Variants in ZMAT4 observed in about 807,000 individuals in gnomAD.
The protein encoded by ZMAT4 is zinc finger matrin-type 4, also known as zinc finger matrin-type protein 4.
A neutral mutation model predicts 28.7 loss-of-function variants in ZMAT4; 17 were observed. That is an observed-to-expected ratio of 0.59 (90% CI 0.41 to 0.89). The LOEUF is 0.89. Ranked by LOEUF, ZMAT4 falls within the 40% of genes least tolerant of loss-of-function variation. ZMAT4 has a pLI of 0.00. For synonymous variants in ZMAT4, 117 were observed against 109.2 expected (o/e 1.07, Z -0.44); for missense variants, 240 against 283.8 (o/e 0.85, Z 1.11).
intron 1 of ZMAT4, among the ~76,000 whole-genome samples, chr8:40,872,366 A>G (rs1201368214): frequency 2.6e-5 from 4 of 152,190 alleles, no homozygotes; most frequent in African/African-American, 9.6e-5. Context: ...GACACAAGTC[A>G]TGTCACAGGA....
At chr8:40,626,429 C>A (rs534238215) in intron 5 of ZMAT4, among the ~76,000 whole-genome samples, 1 of 152,212 alleles carries the variant, frequency 6.6e-6, no homozygotes, top group East Asian at 1.9e-4. Flanking sequence ...GACTTTAGAC[C>A]TCATGCTTAA....
intron 5 of ZMAT4, among the ~76,000 whole-genome samples, chr8:40,583,024 G>A (rs1200911379): frequency 6.6e-6 from 1 of 152,192 alleles, no homozygotes; most frequent in Non-Finnish European, 1.5e-5. Flanking sequence ...ACGAAGAAGA[G>A]ACTGAAGAAG....
intron 3 of ZMAT4, among the ~76,000 whole-genome samples, chr8:40,756,584 A>G (rs1812705864): frequency 6.6e-6 from 1 of 150,830 alleles, no homozygotes; most frequent in African/African-American, 2.4e-5. Context: ...GGATATCTTT[A>G]CAATGAAATA....
intron 5 of ZMAT4, among the ~76,000 whole-genome samples, chr8:40,601,598 GAA>G (rs1306298904): frequency 1.7e-4 from 2 of 11,836 alleles, no homozygotes; most frequent in South Asian, 6.5e-3. Flanking sequence ...AAGAAAGAAA[GAA>G]AGAAAGAAAG....
chr8:40,585,045 C>T (rs754409795), intron 5 of ZMAT4, among the ~76,000 whole-genome samples: 9 of 152,090 alleles, frequency 5.9e-5, no homozygotes, highest in Admixed American at 1.3e-4. Context: ...TTCCTGGAGG[C>T]GTTCACATTA....
chr8:40,722,858 T>C (rs1454512502), intron 3 of ZMAT4, among the ~76,000 whole-genome samples: 1 of 152,118 alleles, frequency 6.6e-6, no homozygotes, highest in Non-Finnish European at 1.5e-5. Flanking sequence ...CCTGTGAGCG[T>C]CCACATGCAT....
intron 5 of ZMAT4, among the ~76,000 whole-genome samples, chr8:40,646,677 T>G (rs1315691908): frequency 2.6e-5 from 4 of 152,160 alleles, no homozygotes; most frequent in African/African-American, 9.6e-5. Context: ...TATATGTACC[T>G]AAGAATAGAG....
intron 3 of ZMAT4, among the ~76,000 whole-genome samples, chr8:40,697,676 A>G (rs965124100): frequency 2.6e-5 from 4 of 152,054 alleles, no homozygotes; most frequent in African/African-American, 7.2e-5. Flanking sequence ...TGTCATCTAC[A>G]TTAGGTATTT....
chr8:40,794,516 G>C (rs968645720), intron 2 of ZMAT4, among the ~76,000 whole-genome samples: 1 of 152,144 alleles, frequency 6.6e-6, no homozygotes, highest in Non-Finnish European at 1.5e-5. Context: ...GCCTTCTTCC[G>C]GGGGAGTTTA....
intron 3 of ZMAT4, among the ~76,000 whole-genome samples, chr8:40,743,472 G>T (rs1001680442): frequency 3.3e-5 from 5 of 152,220 alleles, no homozygotes; most frequent in African/African-American, 1.2e-4. Flanking sequence ...GGGACGTTCT[G>T]CACTGACAGA....
chr8:40,744,609 T>C (rs1257968231), intron 3 of ZMAT4, among the ~76,000 whole-genome samples: 1 of 152,182 alleles, frequency 6.6e-6, no homozygotes, highest in Admixed American at 6.5e-5. Context: ...TGCTCAGCCG[T>C]AACCCACAGA....
rs140555129 is a variant in ZMAT4 at position 40,875,245 on chromosome 8, T to C, written c.-5+22438A>G. Among the ~76,000 whole-genome samples the C allele has an allele frequency of 1.5e-4, 23 of 152,290 alleles. 1 individual carries two copies. In the East Asian group the frequency reaches 4.5e-3, roughly 30 times the overall value. On this transcript the variant is annotated intron_variant, in intron 1 of 6. Coordinates refer to ENST00000297737, the MANE Select transcript of ZMAT4 (RefSeq NM_024645.3). ...CCTGCCCACGTGTCCCCTCCCATAG[T>C]ACACATACAAACTCTTGTCCAGATG...
intron 5 of ZMAT4, among the ~76,000 whole-genome samples, chr8:40,607,750 C>T (rs1194060012): frequency 1.3e-5 from 2 of 152,086 alleles, no homozygotes; most frequent in Non-Finnish European, 2.9e-5. Flanking sequence ...TCCCCATTCC[C>T]CTAGTGATGT....
intron 4 of ZMAT4, among the ~76,000 whole-genome samples, chr8:40,680,184 G>A (rs1809094009): frequency 6.6e-6 from 1 of 152,226 alleles, no homozygotes; most frequent in Admixed American, 6.5e-5. Flanking sequence ...AAGTTGCAGA[G>A]AGTGCACATC....
chr8:40,793,638 T>C (rs1051764703), intron 2 of ZMAT4, among the ~76,000 whole-genome samples: 3 of 152,196 alleles, frequency 2.0e-5, no homozygotes, highest in African/African-American at 4.8e-5. Flanking sequence ...CTTGCGAACA[T>C]TTCCAAGTAA....
At chr8:40,606,589 T>C (rs1563363311) in intron 5 of ZMAT4, among the ~76,000 whole-genome samples, 1 of 152,254 alleles carries the variant, frequency 6.6e-6, no homozygotes, top group Non-Finnish European at 1.5e-5. Flanking sequence ...TACCTGATGT[T>C]TTTGCCTCAT....
chr8:40,777,323 G>A (rs1299683127), intron 2 of ZMAT4, among the ~76,000 whole-genome samples: 1 of 152,216 alleles, frequency 6.6e-6, no homozygotes, highest in African/African-American at 2.4e-5. Flanking sequence ...GGGGAGAGGG[G>A]ACATTTTGTC....
At chr8:40,833,445 G>A (rs190067316) in intron 1 of ZMAT4, among the ~76,000 whole-genome samples, 1 of 150,310 alleles carries the variant, frequency 6.7e-6, no homozygotes, top group African/African-American at 2.4e-5. Context: ...GTGCGTGCCT[G>A]TAATCCCAGC....
Position 40,840,428 on chromosome 8 carries a change from A to T in ZMAT4, c.-4-14748T>A, listed in dbSNP as rs569447755. ...CCTGCTTCTGCTCCTCCCTCCACAGATATCCCTCCCAAGAGCCACCCGGTA... is the reference window on the plus strand; with the variant it reads ...CCTGCTTCTGCTCCTCCCTCCACAGTTATCCCTCCCAAGAGCCACCCGGTA... On this transcript the variant is annotated intron_variant, in intron 1 of 6. Coordinates refer to ENST00000297737, the MANE Select transcript of ZMAT4 (RefSeq NM_024645.3). Among the ~76,000 whole-genome samples, 143 of 152,192 alleles carry T rather than the reference A, an allele frequency of 9.4e-4. 2 individuals are homozygous for T. Among genetic ancestry groups the T allele is most frequent in the Non-Finnish European group, 2.0e-3 (134 of 68,018 alleles).
Sources: allele counts gnomAD v4.1 joint callset (sites outside exome capture counted in the v4.1 genomes callset), GRCh38; gene constraint gnomAD v4.1.1; transcripts MANE v1.5; gene names NCBI Gene and HGNC (gene_info 2026-07-23, HGNC 2026-07-21).